APBA1: variants seen among roughly 807,000 people sequenced by gnomAD.
APBA1 encodes amyloid-beta A4 precursor protein-binding family A member 1.
APBA1 carries 55 observed loss-of-function variants against 86.6 expected under a neutral mutation model. The observed-to-expected ratio is 0.64, with a 90% confidence interval of 0.51 to 0.80. APBA1 has a LOEUF of 0.80. Among genes scored for constraint, APBA1 ranks in the 30% least tolerant of loss-of-function variants. The pLI is 0.00. For missense variants in APBA1, 1,090 were observed against 1,183.0 expected, an observed-to-expected ratio of 0.92 and a Z score of 1.15; for synonymous variants, 511 against 493.9, an observed-to-expected ratio of 1.03 and a Z score of -0.46.
chr9:69,653,971 C>T (rs1016278731), intron 1 of APBA1, among the ~76,000 whole-genome samples: 8 of 151,930 alleles, frequency 5.3e-5, no homozygotes, highest in Non-Finnish European at 7.4e-5. Context: ...CCCGTGTAGC[C>T]GGGCGCATGC....
chr9:69,634,754 G>C (rs1194214096), intron 1 of APBA1, among the ~76,000 whole-genome samples: 1 of 152,092 alleles, frequency 6.6e-6, no homozygotes, highest in Admixed American at 6.6e-5. Flanking sequence ...ACATACAATG[G>C]AACTCTAATA....
intron 1 of APBA1, among the ~76,000 whole-genome samples, chr9:69,635,886 A>G (rs545775042): frequency 6.6e-6 from 1 of 152,300 alleles, no homozygotes; most frequent in Non-Finnish European, 1.5e-5. Context: ...CAAGCACAGG[A>G]AACCAAAGCA....
intron 5 of APBA1, among the ~76,000 whole-genome samples, chr9:69,466,534 G>A (rs1280437882): frequency 6.6e-6 from 1 of 152,034 alleles, no homozygotes; most frequent in Non-Finnish European, 1.5e-5. Flanking sequence ...GGTGGCACTC[G>A]GCCTCTGACA....
At chr9:69,637,581 C>T (rs1483293526) in intron 1 of APBA1, among the ~76,000 whole-genome samples, 1 of 152,054 alleles carries the variant, frequency 6.6e-6, no homozygotes, top group African/African-American at 2.4e-5. Context: ...ACCATTGGCT[C>T]AAATAGGTAA....
intron 1 of APBA1, among the ~76,000 whole-genome samples, chr9:69,631,104 G>C (rs1823032305): frequency 6.6e-6 from 1 of 152,200 alleles, no homozygotes; most frequent in Non-Finnish European, 1.5e-5. Context: ...GCCAATGCCT[G>C]GTACTTGGTA....
chr9:69,447,735 T>G (rs1834933781), intron 10 of APBA1, among the ~76,000 whole-genome samples: 1 of 152,106 alleles, frequency 6.6e-6, no homozygotes, highest in African/African-American at 2.4e-5. Flanking sequence ...GGGTACAAAA[T>G]AGTACCTGCC....
chr9:69,457,682 G>T (rs1430285455), intron 6 of APBA1, among the ~76,000 whole-genome samples: 1 of 152,118 alleles, frequency 6.6e-6, no homozygotes, highest in Non-Finnish European at 1.5e-5. Flanking sequence ...ATGCCTCAAC[G>T]TCCCAGGAGT....
chr9:69,669,772 TC>T (rs1823912052), intron 1 of APBA1, among the ~76,000 whole-genome samples: 1 of 152,084 alleles, frequency 6.6e-6, no homozygotes, highest in Non-Finnish European at 1.5e-5. Context: ...AGATCCTGTC[TC>T]AAAAAGACAA....
chr9:69,658,320 T>C (rs376294311), intron 1 of APBA1, among the ~76,000 whole-genome samples: 10,488 of 66,432 alleles, frequency 0.16, 764 homozygotes, highest in Admixed American at 0.2. Flanking sequence ...CTTTCTTTCT[T>C]TCTTTCTTTC....
chr9:69,549,232 TAGTGGATGTAAAG>T (rs1298741617), intron 1 of APBA1, among the ~76,000 whole-genome samples: 4 of 152,116 alleles, frequency 2.6e-5, no homozygotes, highest in Non-Finnish European at 4.4e-5. Context: ...CAGGGCACAT[TAGTGGATGTAAAG>T]AGTGGGCTGG....
chr9:69,542,002 T>C lies in APBA1; in HGVS notation c.-69-24723A>G, dbSNP rs1019368258. ...ACCTTTTTTCTTTTAAAAATTTTAC[T>C]TTTATAAAAATAATTTTTTGAAAAT... On this transcript the variant is annotated intron_variant, in intron 1 of 12. Coordinates refer to ENST00000265381, the MANE Select transcript of APBA1 (RefSeq NM_001163.4). Among the ~76,000 whole-genome samples the C allele has an allele frequency of 2.6e-5, 4 of 152,112 alleles. No homozygotes were observed. In the South Asian group the frequency reaches 8.3e-4, roughly 31 times the overall value.
At chr9:69,629,475 A>C (rs573220226) in intron 1 of APBA1, among the ~76,000 whole-genome samples, 2 of 152,344 alleles carry the variant, frequency 1.3e-5, no homozygotes, top group Non-Finnish European at 2.9e-5. Flanking sequence ...ATATCTATGA[A>C]ATGATGACAA....
intron 8 of APBA1, among the ~76,000 whole-genome samples, chr9:69,455,405 G>C (rs1441476051): frequency 2.0e-5 from 3 of 152,120 alleles, no homozygotes; most frequent in Non-Finnish European, 4.4e-5. Context: ...GGAGGTAGGG[G>C]AGCACCTGGG....
intron 5 of APBA1, among the ~76,000 whole-genome samples, chr9:69,466,686 T>A (rs1281852361): frequency 1.3e-5 from 2 of 152,222 alleles, no homozygotes; most frequent in Non-Finnish European, 2.9e-5. Context: ...CAGCTCTTCA[T>A]GCCTAAGTGC....
intron 12 of APBA1, among the ~76,000 whole-genome samples, 171 bp downstream of exon 12, chr9:69,432,365 T>C (rs1474344181): frequency 6.6e-6 from 1 of 152,132 alleles, no homozygotes; most frequent in Non-Finnish European, 1.5e-5. Flanking sequence ...GATAACTGCT[T>C]GCTAATGGGT....
At chr9:69,671,933 C>T (rs1311362446) in intron 1 of APBA1, among the ~76,000 whole-genome samples, 1 of 152,220 alleles carries the variant, frequency 6.6e-6, no homozygotes, top group African/African-American at 2.4e-5. Context: ...GCACCGGACC[C>T]CAGGCGTCTC....
chr9:69,659,956 T>A (rs894470649), intron 1 of APBA1, among the ~76,000 whole-genome samples: 5 of 152,202 alleles, frequency 3.3e-5, no homozygotes, highest in Non-Finnish European at 7.3e-5. Context: ...ATACTGTTAG[T>A]GATTTTGGTC....
chr9:69,519,209 G>A (rs1245647762), intron 1 of APBA1, among the ~76,000 whole-genome samples: 1 of 152,224 alleles, frequency 6.6e-6, no homozygotes, highest in Admixed American at 6.5e-5. Context: ...GCAGGGTGGG[G>A]TGGGGAATGA....
chr9:69,653,044 G>T (rs1001742350), intron 1 of APBA1, among the ~76,000 whole-genome samples: 2 of 151,720 alleles, frequency 1.3e-5, no homozygotes, highest in Admixed American at 6.6e-5. Flanking sequence ...AAGACTCTGT[G>T]TTGGCTACAA....
Sources: allele counts gnomAD v4.1 joint callset (sites outside exome capture counted in the v4.1 genomes callset), GRCh38; gene constraint gnomAD v4.1.1; transcripts MANE v1.5; gene names NCBI Gene and HGNC (gene_info 2026-07-23, HGNC 2026-07-21).